The following FAM110B variants were observed in gnomAD, a reference collection of about 807,000 sequenced individuals.
FAM110B encodes family with sequence similarity 110 member B.
Under a neutral mutation model 20.4 loss-of-function variants are expected in FAM110B, and 6 were observed. The ratio of observed to expected loss-of-function variants is 0.29; its 90% CI spans 0.16 to 0.58. The LOEUF is 0.58. FAM110B is among the 20% of genes least tolerant of loss of function. FAM110B has a pLI of 0.90. For synonymous variants in FAM110B, 226 were observed against 214.1 expected (o/e 1.06, Z -0.49); for missense variants, 434 against 498.2 (o/e 0.87, Z 1.23).
At chr8:57,999,885 T>C (rs768233197) in intron 1 of FAM110B, among the ~76,000 whole-genome samples, 5 of 152,108 alleles carry the variant, frequency 3.3e-5, no homozygotes, top group Non-Finnish European at 7.4e-5. Context: ...GGCAACATGT[T>C]TGGGCATGTG....
intron 2 of FAM110B, among the ~76,000 whole-genome samples, chr8:58,057,348 C>T (rs1269053174): frequency 6.6e-6 from 1 of 152,204 alleles, no homozygotes; most frequent in Non-Finnish European, 1.5e-5. Flanking sequence ...CCTGCTCACT[C>T]ATGTGTGCAC....
chr8:58,033,913 G>C (rs1418244622), intron 2 of FAM110B, among the ~76,000 whole-genome samples: 3 of 152,090 alleles, frequency 2.0e-5, no homozygotes, highest in South Asian at 2.1e-4. Context: ...CTGGTCTCAG[G>C]CTCAACCCTC....
In FAM110B at chr8:58,104,588, G is replaced by A. The variant is rs148977261; in HGVS notation, c.-325+28965G>A. Among the ~76,000 whole-genome samples the A allele has an allele frequency of 3.2e-3, 488 of 152,240 alleles. 1 individual carries two copies. Among genetic ancestry groups the A allele is most frequent in the Non-Finnish European group, 5.0e-3 (340 of 68,004 alleles). On this transcript the variant is annotated intron_variant, in intron 3 of 3. Coordinates refer to ENST00000519262, the MANE Select transcript of FAM110B (RefSeq NM_001377989.1). Reference sequence around the variant, plus strand: ...CTATGTTATTAAGACAGTACTTAACGAGTTTTGAAACAAGTACTCCTGGCA... The same window carrying A: ...CTATGTTATTAAGACAGTACTTAACAAGTTTTGAAACAAGTACTCCTGGCA...
intron 1 of FAM110B, among the ~76,000 whole-genome samples, chr8:57,996,649 C>T (rs192183856): frequency 6.6e-6 from 1 of 152,272 alleles, no homozygotes; most frequent in East Asian, 1.9e-4. Flanking sequence ...TAAAGAGAGG[C>T]CTCCACATTA....
chr8:58,121,910 G>A lies in FAM110B; in HGVS notation c.-324-23997G>A, dbSNP rs183175232. Among the ~76,000 whole-genome samples, 249 of 152,282 alleles carry A rather than the reference G, an allele frequency of 1.6e-3. 1 individual carries two copies. The highest frequency in any genetic ancestry group is 5.7e-3 in the African/African-American group (238 of 41,556). ...TTCTCATCAACAGAATGTGGGAACC[G>A]CCTTTGGCTGCCCTTCTGGATGGAA... is the stretch of plus-strand genomic sequence containing the variant. On this transcript the variant is annotated intron_variant, in intron 3 of 3. Transcript: ENST00000519262.
At chr8:58,138,295 T>C (rs1246444844) in intron 3 of FAM110B, among the ~76,000 whole-genome samples, 1 of 152,240 alleles carries the variant, frequency 6.6e-6, no homozygotes, top group Non-Finnish European at 1.5e-5. Context: ...CATTGTTTTC[T>C]GTTGGCCTCC....
intron 1 of FAM110B, among the ~76,000 whole-genome samples, chr8:58,003,584 T>C (rs1804343895): frequency 6.6e-6 from 1 of 152,262 alleles, no homozygotes; most frequent in African/African-American, 2.4e-5. Context: ...GCAGAATGAA[T>C]GTTGTGTTAG....
chr8:58,038,911 C>T (rs950817154), intron 2 of FAM110B, among the ~76,000 whole-genome samples: 7 of 152,208 alleles, frequency 4.6e-5, no homozygotes, highest in Admixed American at 6.5e-5. Flanking sequence ...TGTGTTTGCT[C>T]ATTCATTGGT....
intron 3 of FAM110B, among the ~76,000 whole-genome samples, chr8:58,117,318 G>A (rs1807238885): frequency 6.6e-6 from 1 of 152,222 alleles, no homozygotes; most frequent in Admixed American, 6.5e-5. Flanking sequence ...GATGACCCAT[G>A]AACCAGTATT....
At chr8:58,026,026 T>C (rs2150571179) in intron 1 of FAM110B, among the ~76,000 whole-genome samples, 2 of 152,338 alleles carry the variant, frequency 1.3e-5, no homozygotes, top group Middle Eastern at 3.4e-3. Flanking sequence ...TACAAGATTC[T>C]GGCACCTTCA....
intron 3 of FAM110B, among the ~76,000 whole-genome samples, chr8:58,123,071 C>G (rs183567296): frequency 6.6e-6 from 1 of 152,136 alleles, no homozygotes; most frequent in Non-Finnish European, 1.5e-5. Context: ...CTCAGCAGAG[C>G]GGGGAGCTAA....
intron 2 of FAM110B, among the ~76,000 whole-genome samples, chr8:58,070,660 A>G (rs1486315222): frequency 3.9e-5 from 6 of 152,120 alleles, no homozygotes; most frequent in East Asian, 1.9e-4. Context: ...GGAATGCCCA[A>G]TGTTGCATCA....
chr8:58,083,629 G>C (rs535343707), intron 3 of FAM110B, among the ~76,000 whole-genome samples: 1 of 152,272 alleles, frequency 6.6e-6, no homozygotes, highest in African/African-American at 2.4e-5. Context: ...ACCTTTAAAA[G>C]CCCACACTCC....
At chr8:58,021,727 G>T (rs369474707) in intron 1 of FAM110B, among the ~76,000 whole-genome samples, 1 of 152,082 alleles carries the variant, frequency 6.6e-6, no homozygotes, top group Non-Finnish European at 1.5e-5. Flanking sequence ...GATGAGCAAG[G>T]TATCATTTAT....
At chr8:58,108,368 T>C (rs775774150) in intron 3 of FAM110B, among the ~76,000 whole-genome samples, 13 of 152,224 alleles carry the variant, frequency 8.5e-5, no homozygotes, top group Non-Finnish European at 1.8e-4. Flanking sequence ...TCAGCCAGCA[T>C]TGACGTGGGT....
At chr8:58,011,969 T>C (rs1804545715) in intron 1 of FAM110B, among the ~76,000 whole-genome samples, 1 of 152,212 alleles carries the variant, frequency 6.6e-6, no homozygotes, top group African/African-American at 2.4e-5. Flanking sequence ...AGCTGAAGGA[T>C]ATTCCAGAGA....
chr8:57,996,167 A>G (rs1471748096), intron 1 of FAM110B, among the ~76,000 whole-genome samples: 2 of 152,222 alleles, frequency 1.3e-5, no homozygotes, highest in African/African-American at 4.8e-5. Context: ...TTCACTGATA[A>G]CATCCCATTG....
At chr8:58,096,217 C>G (rs1038068758) in intron 3 of FAM110B, among the ~76,000 whole-genome samples, 1 of 152,006 alleles carries the variant, frequency 6.6e-6, no homozygotes, top group African/African-American at 2.4e-5. Context: ...GCTCTTTCAC[C>G]CAGGCTGGAG....
chr8:57,997,052 T>TA (rs1804199398), intron 1 of FAM110B, among the ~76,000 whole-genome samples: 1 of 152,214 alleles, frequency 6.6e-6, no homozygotes, highest in Admixed American at 6.5e-5. Context: ...AGTGACTTTT[T>TA]AAAAAATCGT....
Sources: allele counts gnomAD v4.1 joint callset (sites outside exome capture counted in the v4.1 genomes callset), GRCh38; gene constraint gnomAD v4.1.1; transcripts MANE v1.5; gene names NCBI Gene and HGNC (gene_info 2026-07-23, HGNC 2026-07-21).